AGBL4: variants seen among roughly 807,000 people sequenced by gnomAD.
The protein encoded by AGBL4 is cytosolic carboxypeptidase 6.
Under a neutral mutation model 66.4 loss-of-function variants are expected in AGBL4, and 58 were observed. The ratio of observed to expected loss-of-function variants is 0.87; its 90% CI spans 0.71 to 1.09. The LOEUF (loss-of-function observed/expected upper bound fraction) is 1.09, where lower values mean the gene tolerates loss of function less well. AGBL4 is among the 50% of genes least tolerant of loss of function. The pLI is 0.00. For missense variants in AGBL4, 579 were observed against 631.0 expected, an observed-to-expected ratio of 0.92 and a Z score of 0.88; for synonymous variants, 234 against 222.9, an observed-to-expected ratio of 1.05 and a Z score of -0.44.
At chr1:48,600,939 G>A (rs1483782141) in intron 9 of AGBL4, among the ~76,000 whole-genome samples, 1 of 152,204 alleles carries the variant, frequency 6.6e-6, no homozygotes, top group Admixed American at 6.5e-5. Flanking sequence ...TGGCAGGAAG[G>A]AGCCTTCCTT....
intron 3 of AGBL4, among the ~76,000 whole-genome samples, chr1:49,603,571 T>TAAAC (rs768454984): frequency 0.04 from 5,336 of 134,826 alleles, 148 homozygotes; most frequent in East Asian, 0.071. Flanking sequence ...AATAAATAAA[T>TAAAC]AAACAAATAA....
At chr1:48,900,578 C>T (rs916881087) in intron 5 of AGBL4, among the ~76,000 whole-genome samples, 1 of 152,176 alleles carries the variant, frequency 6.6e-6, no homozygotes, top group Non-Finnish European at 1.5e-5. Context: ...AATAGACCCA[C>T]ACATATATAG....
intron 1 of AGBL4, among the ~76,000 whole-genome samples, chr1:49,957,969 A>G (rs1302318007): frequency 2.0e-5 from 3 of 151,976 alleles, no homozygotes; most frequent in Non-Finnish European, 4.4e-5. Context: ...GGTCTTTACA[A>G]TTTGGCATGT....
intron 3 of AGBL4, among the ~76,000 whole-genome samples, chr1:49,288,088 A>C (rs1222521965): frequency 7.0e-6 from 1 of 142,544 alleles, no homozygotes; most frequent in African/African-American, 2.6e-5. Flanking sequence ...ATTGGAAAAC[A>C]TCATTCTCAG....
At chr1:49,936,369 C>T (rs1029007841) in intron 1 of AGBL4, among the ~76,000 whole-genome samples, 5 of 152,134 alleles carry the variant, frequency 3.3e-5, no homozygotes, top group African/African-American at 1.2e-4. Context: ...GATTGGGGTA[C>T]CTTAAAGTGA....
At chr1:49,523,255 A>G (rs1049635934) in intron 3 of AGBL4, among the ~76,000 whole-genome samples, 2 of 152,150 alleles carry the variant, frequency 1.3e-5, no homozygotes, top group South Asian at 2.1e-4. Flanking sequence ...CATTTTAGTG[A>G]GGCATAAATA....
intron 2 of AGBL4, among the ~76,000 whole-genome samples, chr1:49,762,787 T>C (rs1652437457): frequency 6.6e-6 from 1 of 152,218 alleles, no homozygotes; most frequent in Non-Finnish European, 1.5e-5. Context: ...AGTCTGTTTA[T>C]TAAATCCTTC....
chr1:49,856,601 A>G (rs1646439437), intron 1 of AGBL4, among the ~76,000 whole-genome samples: 1 of 152,150 alleles, frequency 6.6e-6, no homozygotes, highest in Non-Finnish European at 1.5e-5. Context: ...GTGATATAAC[A>G]CATCAACAGA....
intron 3 of AGBL4, among the ~76,000 whole-genome samples, chr1:49,639,305 T>C (rs1401505563): frequency 3.9e-5 from 6 of 152,152 alleles, no homozygotes; most frequent in Admixed American, 3.9e-4. Flanking sequence ...AGGACAGTAA[T>C]TTAGAAAATA....
intron 3 of AGBL4, among the ~76,000 whole-genome samples, chr1:49,318,112 G>T (rs924001424): frequency 6.6e-6 from 1 of 151,966 alleles, no homozygotes; most frequent in Non-Finnish European, 1.5e-5. Context: ...ATATTTAAAA[G>T]TCATGAAGCC....
intron 11 of AGBL4, among the ~76,000 whole-genome samples, chr1:48,558,101 G>A (rs928560379): frequency 6.6e-6 from 1 of 152,232 alleles, no homozygotes; most frequent in Non-Finnish European, 1.5e-5. Flanking sequence ...CTACTAACAA[G>A]AGTATTGTGT....
chr1:49,982,368 T>C (rs888241636), intron 1 of AGBL4, among the ~76,000 whole-genome samples: 3 of 152,210 alleles, frequency 2.0e-5, no homozygotes, highest in Admixed American at 2.0e-4. Context: ...GGTATGTGCA[T>C]GCTCAGGGCA....
intron 3 of AGBL4, among the ~76,000 whole-genome samples, chr1:49,618,648 G>T (rs946137972): frequency 6.6e-6 from 1 of 152,040 alleles, no homozygotes; most frequent in Non-Finnish European, 1.5e-5. Context: ...ACCAAAAGCT[G>T]GCAGAGACAC....
Position 49,025,902 on chromosome 1 carries a change from T to C in AGBL4, c.594+19682A>G, listed in dbSNP as rs957172727. ...ATAAAATCTTGCTAAAAGAGGTTCA[T>C]ATTTGGCATTTGCTCAGAGAATGGG... On this transcript the variant is annotated intron_variant, in intron 5 of 13. Transcript: ENST00000371839. Among the ~76,000 whole-genome samples, 5 of 152,208 alleles carry C rather than the reference T, an allele frequency of 3.3e-5. No individual in the cohort carries two copies. The South Asian group carries it at 8.3e-4, about 25-fold the overall frequency.
chr1:48,829,629 C>A (rs1218591198), intron 6 of AGBL4, among the ~76,000 whole-genome samples: 1 of 152,002 alleles, frequency 6.6e-6, no homozygotes, highest in African/African-American at 2.4e-5. Flanking sequence ...TGAAACATCT[C>A]TCAGGGGAAG....
intron 3 of AGBL4, among the ~76,000 whole-genome samples, chr1:49,264,543 C>G (rs1239927396): frequency 6.6e-6 from 1 of 151,864 alleles, no homozygotes; most frequent in Non-Finnish European, 1.5e-5. Flanking sequence ...ATGACAGCCT[C>G]CCATAAGTTT....
intron 3 of AGBL4, among the ~76,000 whole-genome samples, chr1:49,550,718 C>T (rs1384066226): frequency 2.0e-5 from 3 of 152,162 alleles, no homozygotes; most frequent in Non-Finnish European, 4.4e-5. Context: ...GTGCTTCTGT[C>T]TCACAGCTCT....
chr1:49,916,011 T>G (rs914236471), intron 1 of AGBL4, among the ~76,000 whole-genome samples: 2 of 152,086 alleles, frequency 1.3e-5, no homozygotes, highest in Non-Finnish European at 2.9e-5. Flanking sequence ...CAACAGACCT[T>G]CAGCTGAGGG....
chr1:49,430,929 G>A (rs1008694055), intron 3 of AGBL4, among the ~76,000 whole-genome samples: 7 of 152,118 alleles, frequency 4.6e-5, no homozygotes, highest in Non-Finnish European at 8.8e-5. Context: ...TCAATATTAT[G>A]TTTGTGAAAT....
Sources: allele counts gnomAD v4.1 joint callset (sites outside exome capture counted in the v4.1 genomes callset), GRCh38; gene constraint gnomAD v4.1.1; transcripts MANE v1.5; gene names NCBI Gene and HGNC (gene_info 2026-07-23, HGNC 2026-07-21).